ATP13A2: variants seen among roughly 807,000 people sequenced by gnomAD.
ATP13A2 encodes the protein ATPase cation transporting 13A2.
ATP13A2 carries 83 observed loss-of-function variants against 138.3 expected under a neutral mutation model. That is an observed-to-expected ratio of 0.60 (90% CI 0.50 to 0.72). ATP13A2 has a LOEUF of 0.72. Among genes scored for constraint, ATP13A2 ranks in the 30% least tolerant of loss-of-function variants. The pLI, the probability that ATP13A2 is intolerant of heterozygous loss-of-function variation, is 0.00. For missense variants in ATP13A2, 1,402 were observed against 1,606.4 expected (o/e 0.87, Z 2.17); for synonymous variants, 663 against 699.0 (o/e 0.95, Z 0.81).
At chr1:16,994,685 C>T (rs565785466) in intron 15 of ATP13A2, among the ~76,000 whole-genome samples, 50 of 150,486 alleles carry the variant, frequency 3.3e-4, no homozygotes, top group Admixed American at 5.3e-4. Context: ...TTTTTTGAGA[C>T]GGAGTCTCAC....
chr1:17,000,805 G>A (rs531096409), intron 8 of ATP13A2: 1 of 440,406 alleles, frequency 2.3e-6, no homozygotes, highest in South Asian at 2.6e-5. Flanking sequence ...AGCCTGATGG[G>A]GTGGCCTGTG....
intron 11 of ATP13A2, among the ~76,000 whole-genome samples, 180 bp downstream of exon 11, chr1:16,999,831 G>A (rs2077278653): frequency 6.6e-6 from 1 of 152,176 alleles, no homozygotes; most frequent in African/African-American, 2.4e-5. Flanking sequence ...AACCTGGGGG[G>A]TGGAGGCTGC....
chr1:16,991,242 T>C (rs913509883), intron 20 of ATP13A2, among the ~76,000 whole-genome samples: 4 of 152,168 alleles, frequency 2.6e-5, no homozygotes, highest in Non-Finnish European at 5.9e-5. Flanking sequence ...TGAGACACTG[T>C]GCCCGGCCAT....
rs748454159 is a variant in ATP13A2, at chr1:16,989,976, C to A, written c.2440G>T (p.Val814Leu). 1 of 1,609,612 alleles carries A rather than the reference C, an allele frequency of 6.2e-7. No individual in the cohort carries two copies. Among genetic ancestry groups the A allele is most frequent in the Non-Finnish European group, 8.5e-7 (1 of 1,177,994 alleles). Residue 814 changes from valine to leucine, a missense_variant, in exon 22 of 29, where the codon GTG becomes TTG. Val to Leu is a conservative substitution (Grantham distance 32, BLOSUM62 1). Coordinates refer to ENST00000326735, the MANE Select transcript of ATP13A2 (RefSeq NM_022089.4). ...TGCCTGGATCGGGGGTCTGGCTCCA[C>A]GGTGTAGCTTGCAGCCTGGTCAGGA... is the stretch of plus-strand genomic sequence containing the variant. ...KDPDQAASYT[V>L]EPDPRSRHLA...
intron 15 of ATP13A2, 143 bp from the exon 16 acceptor site, chr1:16,993,978 T>G (rs2077027658): frequency 1.4e-6 from 1 of 698,056 alleles, no homozygotes; most frequent in East Asian, 2.8e-5. Context: ...CTTTCTTGAC[T>G]GCTGTCCTTG....
Position 16,996,390 on chromosome 1 carries a change from G to A in ATP13A2, c.1302C>T (p.Val434=). The change falls in exon 13 of 29, where the codon GTC becomes GTT. Residue 434 remains valine, a synonymous_variant. Coordinates refer to ENST00000326735, the MANE Select transcript of ATP13A2 (RefSeq NM_022089.4). ...AGGGTGCAGGGGGCCACTCACCCAGGACAGAGAGGGCAGCCACAAACTTCA... is the reference window on the plus strand; with the variant it reads ...AGGGTGCAGGGGGCCACTCACCCAGAACAGAGAGGGCAGCCACAAACTTCA... ...HSMKFVAALS[V]LALLGTIYSI... 1.2e-6 allele frequency: 2 copies of A among 1,614,064 alleles called. No individual in the cohort carries two copies. The highest frequency in any genetic ancestry group is 8.5e-7 in the Non-Finnish European group (1 of 1,179,980).
Position 17,000,526 on chromosome 1 carries a change from G to T in ATP13A2, c.714C>A (p.Asn238Lys), listed in dbSNP as rs2077315316. ...TGAAGGCCTGGAACCCATAGTAGGG[G>T]TTCAGTGCCTGGGGGAGGGGCGGGA... Reference protein sequence around the residue: ...YPQLLVDEALNPYYGFQAFSI... With the variant: ...YPQLLVDEALKPYYGFQAFSI... Residue 238 changes from asparagine to lysine, a missense_variant, in exon 9 of 29, where the codon AAC becomes AAA. Coordinates refer to ENST00000326735, the MANE Select transcript of ATP13A2 (RefSeq NM_022089.4). 3 of 1,613,824 alleles carry T rather than the reference G, an allele frequency of 1.9e-6. No individual in the cohort carries two copies. In the African/African-American group the frequency reaches 4.0e-5, roughly 22 times the overall value.
In ATP13A2 at chr1:17,011,112, A is replaced by T. The variant is rs947279659; in HGVS notation, c.10+617T>A. On this transcript the variant is annotated intron_variant, in intron 1 of 28. Transcript: ENST00000326735. The surrounding 1 kb of genome is among the most constrained non-coding windows in gnomAD (Gnocchi z 7.3). The stretch of plus-strand genomic sequence containing the variant: ...ACTGGCCCCATTCCCGGCAGGTGGG[A>T]TTTAAATTAGACCCTGGAGGAGTGG... Among the ~76,000 whole-genome samples the T allele has an allele frequency of 2.0e-5, 3 of 151,818 alleles. No homozygotes were observed. Among genetic ancestry groups the T allele is most frequent in the Non-Finnish European group, 2.9e-5 (2 of 67,950 alleles).
chr1:17,005,325 C>G, intron 3 of ATP13A2, 49 bp downstream of exon 3: 1 of 1,557,998 alleles, frequency 6.4e-7, no homozygotes, highest in Non-Finnish European at 8.7e-7. Flanking sequence ...CACCCCCGAC[C>G]CTGACCCTCA....
rs575103773 is a variant in ATP13A2 at position 17,000,475 on chromosome 1, G to A, written c.765C>T (p.His255=). 2 of 1,614,100 alleles carry A rather than the reference G, an allele frequency of 1.2e-6. No individual in the cohort carries two copies. The highest frequency in any genetic ancestry group is 4.5e-5 in the East Asian group (2 of 44,868). Residue 255 remains histidine (H), a synonymous_variant, in exon 9 of 29, where the codon CAC becomes CAT. Transcript: ENST00000326735. The stretch of plus-strand genomic sequence containing the variant: ...AGATGCACAGGGCGTACCAGTAGTA[G>A]TGGTCAGCCAGCCACAGCGCGATGC... ...AFSIALWLAD[H]YYWYALCIFL...
chr1:17,005,435 C>G lies in ATP13A2; in HGVS notation c.227G>C (p.Arg76Pro). 1 of 1,613,722 alleles carries G rather than the reference C, an allele frequency of 6.2e-7. No individual in the cohort carries two copies. The highest frequency in any genetic ancestry group is 8.5e-7 in the Non-Finnish European group (1 of 1,179,848). The change falls in exon 3 of 29, where the codon CGG becomes CCG. Residue 76 changes from arginine (R) to proline (P), a missense_variant. By Grantham distance (103) the Arg-to-Pro change is moderately radical. Transcript: ENST00000326735. ...RWKPLWGVRLRLRPCNLAHAE... is the reference protein window; with the variant it reads ...RWKPLWGVRLPLRPCNLAHAE... Reference sequence around the variant, plus strand: ...GTGGGCCAGGTTGCAGGGCCGGAGCCGCAGCCGCACCCCCCACAGGGGCTT... The same window carrying G: ...GTGGGCCAGGTTGCAGGGCCGGAGCGGCAGCCGCACCCCCCACAGGGGCTT...
intron 12 of ATP13A2, 94 bp downstream of exon 12, chr1:16,996,926 G>T: frequency 6.8e-7 from 1 of 1,478,472 alleles, no homozygotes; most frequent in African/African-American, 1.4e-5. Context: ...GTGGGCGTGG[G>T]GTCCAGGGTT....
rs1041231423 is a variant in ATP13A2, at chr1:16,993,630, C to T, written c.1748G>A (p.Trp583Ter). The change falls in exon 16 of 29, where the codon TGG becomes TAG. Residue 583 changes from tryptophan to a stop codon, truncating the protein, a stop_gained and splice_region_variant. Transcript: ENST00000326735. LOFTEE classifies it high-confidence loss of function. ...GGCTGACCTGCTTGGCCTCCTCACC[C>T]AGCCAGTAGACTCCACCATCTTCAA... ...MDLKMVESTG[W>*]VLEEEPAADS... The T allele has an allele frequency of 6.3e-7, 1 of 1,581,940 alleles. No homozygotes were observed. Among genetic ancestry groups the T allele is most frequent in the Non-Finnish European group, 8.6e-7 (1 of 1,164,208 alleles).
chr1:16,998,771 T>C (rs984262389), intron 11 of ATP13A2, among the ~76,000 whole-genome samples: 2 of 152,272 alleles, frequency 1.3e-5, no homozygotes, highest in Admixed American at 1.3e-4. Flanking sequence ...TGGACTCTCA[T>C]GCAGCCATGA....
In ATP13A2 at chr1:16,996,108, T is replaced by A; in HGVS notation, c.1410A>T (p.Pro470=). 1 of 1,613,978 alleles carries A rather than the reference T, an allele frequency of 6.2e-7. No individual in the cohort carries two copies. Among genetic ancestry groups the A allele is most frequent in the Non-Finnish European group, 8.5e-7 (1 of 1,180,046 alleles). ...RALDLVTVVV[P]PALPAAMTVC... ...CAGTCATGGCAGCAGGCAGGGCAGG[T>A]GGCACCACCACGGTCACCAGGTCGA... The change falls in exon 15 of 29, where the codon CCA becomes CCT. Residue 470 remains proline, a synonymous_variant. Coordinates refer to ENST00000326735, the MANE Select transcript of ATP13A2 (RefSeq NM_022089.4).
chr1:16,993,834 G>C lies in ATP13A2; in HGVS notation c.1544C>G (p.Thr515Arg). The change falls in exon 16 of 29, where the codon ACG (threonine) becomes AGG (arginine). Residue 515 changes from threonine (T) to arginine (R), a missense_variant and splice_region_variant. Thr to Arg is a moderately conservative substitution (Grantham distance 71). Transcript: ENST00000326735. Reference protein sequence around the residue: ...GKLQLVCFDKTGTLTEDGLDV... With the variant: ...GKLQLVCFDKRGTLTEDGLDV... ...TAAGCCGTCCTCAGTGAGGGTGCCCGTCTGTGGGAGACAGGTGGGTGGGGC... is the reference window on the plus strand; with the variant it reads ...TAAGCCGTCCTCAGTGAGGGTGCCCCTCTGTGGGAGACAGGTGGGTGGGGC... 1.9e-6 allele frequency: 3 copies of C among 1,552,092 alleles called. No individual in the cohort carries two copies. Among genetic ancestry groups the C allele is most frequent in the Non-Finnish European group, 2.6e-6 (3 of 1,148,152 alleles).
intron 3 of ATP13A2, 64 bp from the exon 4 acceptor site, chr1:17,005,136 C>T: frequency 4.4e-6 from 7 of 1,603,062 alleles, no homozygotes; most frequent in Admixed American, 1.7e-5. Flanking sequence ...CCCTGTCCTA[C>T]AGCCAGGCGG....
intron 8 of ATP13A2, 24 bp from the exon 9 acceptor site, chr1:17,000,558 G>A (rs368580904): frequency 3.1e-5 from 50 of 1,609,446 alleles, no homozygotes; most frequent in African/African-American, 8.0e-5. Flanking sequence ...GGGAGGCAGC[G>A]TCAGGGCCGC....
In ATP13A2 at chr1:17,011,795, G is replaced by A. The variant is rs1188246903; in HGVS notation, c.-57C>T. ...CGCTGCGGCCCTCGGCCTGGGCCCC[G>A]GCGTGCGCAAGGCCCTGGGCGGGGG... On this transcript the variant is annotated 5_prime_UTR_variant, in exon 1 of 29. Coordinates refer to ENST00000326735, the MANE Select transcript of ATP13A2 (RefSeq NM_022089.4). This position sits in a 1 kb window ranked among gnomAD's most constrained non-coding sequence, Gnocchi z 7.3. The A allele has an allele frequency of 8.3e-6, 11 of 1,325,408 alleles. No homozygotes were observed. The East Asian group carries it at 2.9e-4, about 35-fold the overall frequency. The allele number at this position is 1,325,408 out of a possible 1,614,324, so 82.1% of individuals were successfully genotyped here. A position where few individuals can be genotyped will look rare whatever the true frequency, so the allele number is the denominator to read the frequency against.
Sources: allele counts gnomAD v4.1 joint callset (sites outside exome capture counted in the v4.1 genomes callset), GRCh38; gene constraint gnomAD v4.1.1; non-coding constraint Gnocchi (gnomAD v3.1); transcripts MANE v1.5; gene names NCBI Gene and HGNC (gene_info 2026-07-23, HGNC 2026-07-21).